Variants in NXPE4 observed in about 807,000 individuals in gnomAD.
NXPE4 encodes the protein NXPE family member 4.
Under a neutral mutation model 33.3 loss-of-function variants are expected in NXPE4, and 42 were observed. That is an observed-to-expected ratio of 1.26 (90% CI 0.98 to 1.63). The LOEUF is 1.63. Among genes scored for constraint, NXPE4 ranks in the 40% most tolerant of loss-of-function variants. The pLI, the probability that NXPE4 is intolerant of heterozygous loss-of-function variation, is 0.00. For synonymous variants in NXPE4, 253 were observed against 234.9 expected, an observed-to-expected ratio of 1.08 and a Z score of -0.71; for missense variants, 709 against 647.6, an observed-to-expected ratio of 1.09 and a Z score of -1.03.
chr11:114,633,384 T>C, the NXPE4 span, among the ~76,000 whole-genome samples: 7 of 144,156 alleles, frequency 4.9e-5, no homozygotes, highest in Non-Finnish European at 1.1e-4. Context: ...TTATGTATTA[T>C]ATTATATATT....
At chr11:114,657,330 T>C in the NXPE4 span, among the ~76,000 whole-genome samples, 30 of 152,280 alleles carry the variant, frequency 2.0e-4, no homozygotes, top group South Asian at 1.0e-3. Context: ...GTCTGTGAAC[T>C]TAGGTGGGAA....
At chr11:114,649,239 T>A in the NXPE4 span, among the ~76,000 whole-genome samples, 4 of 152,228 alleles carry the variant, frequency 2.6e-5, no homozygotes, top group African/African-American at 9.6e-5. Flanking sequence ...GACCTTAATC[T>A]TAGGGCATGG....
At chr11:114,675,068 A>T in the NXPE4 span, among the ~76,000 whole-genome samples, 1 of 151,846 alleles carries the variant, frequency 6.6e-6, no homozygotes, top group Non-Finnish European at 1.5e-5. Flanking sequence ...ATCTCAATAG[A>T]TAAAGAAAAA....
chr11:114,600,661 T>C (rs1287900667), upstream of NXPE4, among the ~76,000 whole-genome samples: 4 of 152,108 alleles, frequency 2.6e-5, no homozygotes, highest in Non-Finnish European at 4.4e-5. Context: ...TTTGAGATCC[T>C]GGATTGGGTC....
At chr11:114,656,835 G>A in the NXPE4 span, among the ~76,000 whole-genome samples, 2 of 152,140 alleles carry the variant, frequency 1.3e-5, no homozygotes, top group Admixed American at 6.6e-5. Flanking sequence ...ATTACTGCCT[G>A]TAATCCCAGC....
the NXPE4 span, among the ~76,000 whole-genome samples, chr11:114,635,859 C>T: frequency 3.9e-5 from 6 of 151,998 alleles, no homozygotes; most frequent in Admixed American, 1.3e-4. Flanking sequence ...TTGCTGTATT[C>T]GGTTTGCCAG....
the NXPE4 span, among the ~76,000 whole-genome samples, chr11:114,616,139 G>A: frequency 1.3e-5 from 2 of 151,622 alleles, no homozygotes; most frequent in Admixed American, 6.6e-5. Flanking sequence ...TGGATAATAA[G>A]TATTGCCTCG....
At chr11:114,641,940 T>C in the NXPE4 span, among the ~76,000 whole-genome samples, 1 of 152,042 alleles carries the variant, frequency 6.6e-6, no homozygotes, top group Admixed American at 6.6e-5. Context: ...TTTGCAAAGT[T>C]TGACACAGAG....
chr11:114,606,237 CTG>C, the NXPE4 span, among the ~76,000 whole-genome samples: 3 of 151,580 alleles, frequency 2.0e-5, no homozygotes, highest in Non-Finnish European at 4.4e-5. Context: ...CCACTGTTAC[CTG>C]CTGGATAACA....
At chr11:114,654,333 A>G in the NXPE4 span, among the ~76,000 whole-genome samples, 1 of 151,918 alleles carries the variant, frequency 6.6e-6, no homozygotes, top group African/African-American at 2.4e-5. Context: ...AAATCTTTGG[A>G]TCCCAACTAT....
upstream of NXPE4, among the ~76,000 whole-genome samples, chr11:114,600,551 G>A (rs575555347): frequency 5.9e-5 from 9 of 152,030 alleles, no homozygotes; most frequent in South Asian, 4.2e-4. Flanking sequence ...ATTGAGTGAC[G>A]TTCTACAAAA....
chr11:114,581,737 A>T lies in NXPE4; in HGVS notation c.880T>A (p.Ser294Thr). Reference sequence around the variant, plus strand: ...CAGGAGTACTTACTGTTGCATTTGGAGACACTAATTGTATTGAATTTTTCC... The same window carrying T: ...CAGGAGTACTTACTGTTGCATTTGGTGACACTAATTGTATTGAATTTTTCC... ...IMEKFNTISVSKCNKETVAMK... is the reference protein window; with the variant it reads ...IMEKFNTISVTKCNKETVAMK... Residue 294 changes from serine (S) to threonine (T), a missense_variant, in exon 4 of 6, where the codon TCC (serine) becomes ACC (threonine). By Grantham distance (58) the Ser-to-Thr change is moderately conservative. Coordinates refer to ENST00000375478, the MANE Select transcript of NXPE4 (RefSeq NM_001077639.2). 1 of 1,611,942 alleles carries T rather than the reference A, an allele frequency of 6.2e-7. No homozygotes were observed. Among genetic ancestry groups the T allele is most frequent in the Non-Finnish European group, 8.5e-7 (1 of 1,178,538 alleles).
At chr11:114,635,883 A>G in the NXPE4 span, among the ~76,000 whole-genome samples, 1 of 151,950 alleles carries the variant, frequency 6.6e-6, no homozygotes, top group Non-Finnish European at 1.5e-5. Context: ...TTTATCGAGA[A>G]TTTTTGCATC....
chr11:114,648,595 A>C, the NXPE4 span, among the ~76,000 whole-genome samples: 7 of 152,224 alleles, frequency 4.6e-5, no homozygotes, highest in Non-Finnish European at 8.8e-5. Context: ...GACCCAGTCA[A>C]GTTGATACAT....
chr11:114,594,857 G>T (rs1389438472), intron 1 of NXPE4, 88 bp from the exon 2 acceptor site: 1 of 706,826 alleles, frequency 1.4e-6, no homozygotes, highest in Non-Finnish European at 2.4e-6. Flanking sequence ...AATTTTTTTG[G>T]CTCATGATTA....
At chr11:114,602,863 CAT>C in the NXPE4 span, among the ~76,000 whole-genome samples, 302 of 146,810 alleles carry the variant, frequency 2.1e-3, 2 homozygotes, top group African/African-American at 7.2e-3. Context: ...ATAATTATCT[CAT>C]ATATAATTAT....
intron 2 of NXPE4, chr11:114,583,633 G>A (rs1949208928): frequency 1.7e-6 from 1 of 591,384 alleles, no homozygotes; most frequent in East Asian, 4.4e-5. Context: ...TTAATGAGCA[G>A]CAGATGGACA....
chr11:114,610,926 G>A, the NXPE4 span, among the ~76,000 whole-genome samples: 2 of 151,774 alleles, frequency 1.3e-5, no homozygotes, highest in Non-Finnish European at 2.9e-5. Flanking sequence ...AATAAGTATT[G>A]CCTCGTGGGT....
intron 2 of NXPE4, among the ~76,000 whole-genome samples, chr11:114,591,839 C>A (rs1183339830): frequency 1.3e-5 from 2 of 152,070 alleles, no homozygotes; most frequent in Admixed American, 1.3e-4. Flanking sequence ...GCCCTTGATG[C>A]AAGGATTATC....
Sources: allele counts gnomAD v4.1 joint callset (sites outside exome capture counted in the v4.1 genomes callset), GRCh38; gene constraint gnomAD v4.1.1; transcripts MANE v1.5; gene names NCBI Gene and HGNC (gene_info 2026-07-23, HGNC 2026-07-21).